MTAP: variants seen among roughly 807,000 people sequenced by gnomAD.
MTAP encodes S-methyl-5'-thioadenosine phosphorylase.
In MTAP, 33 loss-of-function variants were observed where a neutral mutation model predicts 33.6. That is an observed-to-expected ratio of 0.98 (90% confidence interval 0.74 to 1.31). The LOEUF is 1.31. MTAP is among the 40% of genes most tolerant of loss of function. MTAP has a pLI of 0.00. For missense variants in MTAP, 367 were observed against 360.0 expected, an observed-to-expected ratio of 1.02 and a Z score of -0.16; for synonymous variants, 148 against 125.7, an observed-to-expected ratio of 1.18 and a Z score of -1.19.
chr9:21,868,562 C>G (rs1168983098), downstream of MTAP, among the ~76,000 whole-genome samples: 1 of 152,034 alleles, frequency 6.6e-6, no homozygotes, highest in Non-Finnish European at 1.5e-5. Context: ...AGTTTAGGAG[C>G]CTCTTTTCCT....
chr9:21,853,553 G>A (rs547522142), intron 5 of MTAP, among the ~76,000 whole-genome samples: 3 of 152,298 alleles, frequency 2.0e-5, no homozygotes, highest in South Asian at 2.1e-4. Flanking sequence ...ATGAACACAT[G>A]TGCAGGTGAG....
chr9:21,819,226 G>T (rs1342492039), intron 4 of MTAP, among the ~76,000 whole-genome samples: 2 of 150,810 alleles, frequency 1.3e-5, no homozygotes, highest in Non-Finnish European at 2.9e-5. Context: ...GTGCCATGTT[G>T]GTGTGCTGCA....
chr9:21,851,411 C>T (rs999120177), intron 5 of MTAP, among the ~76,000 whole-genome samples: 1 of 152,122 alleles, frequency 6.6e-6, no homozygotes. Flanking sequence ...TTTCTTTCTC[C>T]TTTATCATAT....
chr9:21,861,762 T>A (rs1365804111), intron 7 of MTAP: 1 of 583,568 alleles, frequency 1.7e-6, no homozygotes, highest in African/African-American at 1.9e-5. Flanking sequence ...AACCTCACTT[T>A]ACAGGAAAGG....
chr9:21,829,958 C>A (rs1393517302), intron 4 of MTAP, among the ~76,000 whole-genome samples: 1 of 152,020 alleles, frequency 6.6e-6, no homozygotes. Flanking sequence ...TGCTACATTA[C>A]AGCTGATGAA....
intron 1 of MTAP, among the ~76,000 whole-genome samples, chr9:21,814,499 G>C (rs961465500): frequency 3.9e-5 from 6 of 152,120 alleles, no homozygotes; most frequent in African/African-American, 1.4e-4. Context: ...GGAGGTACCA[G>C]CCCAAGGAAA....
intron 5 of MTAP, among the ~76,000 whole-genome samples, chr9:21,851,491 G>A (rs762853661): frequency 6.6e-6 from 1 of 152,174 alleles, no homozygotes; most frequent in East Asian, 1.9e-4. Context: ...ATTTGGGTTG[G>A]TGTTTGGTGC....
chr9:21,907,515 C>G (rs1472215973), intron 1 of MTAP, among the ~76,000 whole-genome samples: 1 of 152,186 alleles, frequency 6.6e-6, no homozygotes, highest in African/African-American at 2.4e-5. Flanking sequence ...TAAGATAGCA[C>G]CACTGCACTG....
rs114363319 is a variant in MTAP, at chr9:21,851,434, A to C, written c.451-3197A>C. On this transcript the variant is annotated intron_variant, in intron 5 of 7. Coordinates refer to ENST00000644715, the MANE Select transcript of MTAP (RefSeq NM_002451.4). The stretch of plus-strand genomic sequence containing the variant: ...TCCTTTATCATATGACATGAGATTT[A>C]TTGACTTCACATCAACATTTAAGTA... Among the ~76,000 whole-genome samples, 1,034 of 152,314 alleles carry C rather than the reference A, an allele frequency of 6.8e-3. 24 individuals are homozygous for C. The highest frequency in any genetic ancestry group is 0.056 in the East Asian group (289 of 5,184).
chr9:21,877,880 G>A (rs888740258), intron 1 of MTAP, among the ~76,000 whole-genome samples: 7 of 152,168 alleles, frequency 4.6e-5, no homozygotes, highest in Non-Finnish European at 8.8e-5. Flanking sequence ...CATAGAATGA[G>A]TTGGGGAGGA....
intron 1 of MTAP, among the ~76,000 whole-genome samples, chr9:21,894,610 G>A: frequency 8.2e-6 from 1 of 122,342 alleles, no homozygotes; most frequent in Non-Finnish European, 1.7e-5. Flanking sequence ...GGTGGGGGGT[G>A]GGGGAGGGAT....
At chr9:21,830,469 T>A (rs1166506214) in intron 4 of MTAP, among the ~76,000 whole-genome samples, 1 of 152,218 alleles carries the variant, frequency 6.6e-6, no homozygotes. Context: ...CACAAGTCAT[T>A]TGGCCACTGA....
chr9:21,829,737 T>C (rs1487913298), intron 4 of MTAP, among the ~76,000 whole-genome samples: 1 of 152,238 alleles, frequency 6.6e-6, no homozygotes, highest in Non-Finnish European at 1.5e-5. Context: ...CACATCATTT[T>C]CTTTTCCTTC....
At chr9:21,919,824 A>G (rs1419765969) in intron 1 of MTAP, among the ~76,000 whole-genome samples, 1 of 152,130 alleles carries the variant, frequency 6.6e-6, no homozygotes, top group Non-Finnish European at 1.5e-5. Flanking sequence ...ATGTTCATCA[A>G]CGTGTATATT....
intron 6 of MTAP, 48 bp downstream of exon 6, chr9:21,854,918 C>G: frequency 6.3e-7 from 1 of 1,598,034 alleles, no homozygotes; most frequent in Non-Finnish European, 8.5e-7. Context: ...TTTCTGGGTG[C>G]CAATAGGGTG....
At chr9:21,895,027 T>C (rs186618391) in intron 1 of MTAP, among the ~76,000 whole-genome samples, 147 of 152,176 alleles carry the variant, frequency 9.7e-4, no homozygotes, top group Non-Finnish European at 1.9e-3. Context: ...GAAATAGAGA[T>C]GATACAAACG....
Position 21,865,086 on chromosome 9 carries a change from G to A in MTAP, c.*3072G>A, listed in dbSNP as rs768885564. ...GAGTCCCTCCTTGATAAGGTTTGGC[G>A]GTGTCCCCACCCAAATCTCATGTTG... On this transcript the variant is annotated 3_prime_UTR_variant, in exon 8 of 8. Transcript: ENST00000644715. 279 of 985,198 alleles carry A rather than the reference G, an allele frequency of 2.8e-4. No homozygotes were observed. The highest frequency in any genetic ancestry group is 2.9e-4 in the Non-Finnish European group (237 of 829,928). 61.0% of individuals were successfully genotyped at this position (985,198 alleles called of 1,614,324 possible).
In MTAP at chr9:21,864,371, C is replaced by G; in HGVS notation, c.*2357C>G. The G allele has an allele frequency of 1.0e-6, 1 of 984,546 alleles. No individual in the cohort carries two copies. Among genetic ancestry groups the G allele is most frequent in the Non-Finnish European group, 1.2e-6 (1 of 829,756 alleles). The allele number at this position is 984,546 out of a possible 1,614,324, so 61.0% of individuals were successfully genotyped here. A position where few individuals can be genotyped will look rare whatever the true frequency, so the allele number is the denominator to read the frequency against. On this transcript the variant is annotated 3_prime_UTR_variant, in exon 8 of 8. Coordinates refer to ENST00000644715, the MANE Select transcript of MTAP (RefSeq NM_002451.4). ...ACTAATTTTTTTTTTTTAATTTAAG[C>G]TAGTATACTAAGTGAACACCATGGT...
intron 4 of MTAP, 65 bp downstream of exon 4, chr9:21,818,267 G>T: frequency 1.3e-6 from 2 of 1,520,398 alleles, no homozygotes; most frequent in Admixed American, 3.7e-5. Context: ...AATGGACGAC[G>T]CGTGGGAACC....
Sources: gnomAD v4.1 joint callset for allele counts (sites outside exome capture counted in the v4.1 genomes callset) on GRCh38, gnomAD v4.1.1 for gene constraint, MANE v1.5 for transcripts, NCBI Gene and HGNC (gene_info 2026-07-23, HGNC 2026-07-21) for gene names.